Variants in TRRAP observed in about 807,000 individuals in gnomAD.
TRRAP encodes transformation/transcription domain-associated protein.
Under a neutral mutation model 438.8 loss-of-function variants are expected in TRRAP, and 41 were observed. That is an observed-to-expected ratio of 0.09 (90% CI 0.07 to 0.12). The LOEUF (loss-of-function observed/expected upper bound fraction) is 0.12. TRRAP is among the 10% of genes least tolerant of loss of function. TRRAP has a pLI of 1.00. For synonymous variants in TRRAP, 1,994 were observed against 1,962.9 expected, an observed-to-expected ratio of 1.02 and a Z score of -0.42; for missense variants, 3,122 against 5,055.1, an observed-to-expected ratio of 0.62 and a Z score of 11.60.
Position 98,903,369 on chromosome 7 carries a change from G to C in TRRAP, c.898-10G>C, listed in dbSNP as rs1554407012. The C allele has an allele frequency of 1.2e-6, 2 of 1,614,110 alleles. No homozygotes were observed. Among genetic ancestry groups the C allele is most frequent in the Non-Finnish European group, 1.7e-6 (2 of 1,179,986 alleles). ...CCCTGTAACTGTGTCATCTCACTCT[G>C]TTCTTACAGGAGTTGGTGACTAAGT... On this transcript the variant is annotated splice_polypyrimidine_tract_variant and intron_variant, in intron 11 of 72. Coordinates refer to ENST00000456197, the MANE Select transcript of TRRAP (RefSeq NM_001375524.1).
At chr7:98,978,463 A>C in intron 57 of TRRAP, 140 bp downstream of exon 57, 1 of 803,032 alleles carries the variant, frequency 1.2e-6, no homozygotes, top group South Asian at 1.8e-5. Flanking sequence ...ATAGAAACCC[A>C]AAACCAGCAT....
intron 11 of TRRAP, among the ~76,000 whole-genome samples, chr7:98,901,381 A>T (rs940521778): frequency 2.0e-5 from 3 of 152,168 alleles, no homozygotes; most frequent in African/African-American, 7.2e-5. Flanking sequence ...CTGTGTCCAG[A>T]TACAGTCACA....
chr7:99,008,312 G>T, intron 69 of TRRAP, 65 bp from the exon 70 acceptor site: 2 of 1,527,542 alleles, frequency 1.3e-6, no homozygotes, highest in Admixed American at 1.7e-5. Flanking sequence ...GCACTCTGAC[G>T]GTGGAGCTGA....
In TRRAP at chr7:98,890,342, C is replaced by T. The variant is rs782139440; in HGVS notation, c.158C>T (p.Thr53Met). The change falls in exon 4 of 73, where the codon ACG becomes ATG. Residue 53 changes from threonine (T) to methionine (M), a missense_variant. By Grantham distance (81) the Thr-to-Met change is moderately conservative. Coordinates refer to ENST00000456197, the MANE Select transcript of TRRAP (RefSeq NM_001375524.1). Reference sequence around the variant, plus strand: ...TTATTTTTGCACAATTAGAATGTCACGTCATCTCCTCAGTATTCTACATTC... The same window carrying T: ...TTATTTTTGCACAATTAGAATGTCATGTCATCTCCTCAGTATTCTACATTC... ...QEVSENFENV[T>M]SSPQYSTFLE... The T allele has an allele frequency of 9.6e-6, 15 of 1,556,790 alleles. No homozygotes were observed. The South Asian group carries it at 1.7e-4, about 18-fold the overall frequency.
At chr7:98,897,896 G>A (rs781842397) in intron 8 of TRRAP, 30 bp downstream of exon 8, 6 of 1,612,300 alleles carry the variant, frequency 3.7e-6, no homozygotes, top group Admixed American at 3.3e-5. Flanking sequence ...ATTTCTACCC[G>A]TGGCTCCTGT....
intron 26 of TRRAP, among the ~76,000 whole-genome samples, chr7:98,932,622 G>C (rs959841466): frequency 1.3e-5 from 2 of 152,038 alleles, no homozygotes; most frequent in African/African-American, 2.4e-5. Flanking sequence ...GGGATTACAG[G>C]CGTGAGCCAC....
chr7:98,970,538 A>G (rs1792367161), intron 52 of TRRAP, among the ~76,000 whole-genome samples: 1 of 152,186 alleles, frequency 6.6e-6, no homozygotes, highest in Non-Finnish European at 1.5e-5. Context: ...TTGGGCATGA[A>G]CAAGGTATAA....
chr7:98,950,465 C>T (rs540815250), intron 38 of TRRAP, among the ~76,000 whole-genome samples: 4 of 152,202 alleles, frequency 2.6e-5, no homozygotes, highest in African/African-American at 4.8e-5. Context: ...GAGGCTGCAC[C>T]GAGCTATAAT....
intron 3 of TRRAP, among the ~76,000 whole-genome samples, chr7:98,886,164 G>A (rs1795685487): frequency 6.6e-6 from 1 of 152,184 alleles, no homozygotes; most frequent in South Asian, 2.1e-4. Context: ...CACATGCCTG[G>A]CCTGTAGTCC....
intron 46 of TRRAP, 53 bp from the exon 47 acceptor site, chr7:98,962,249 C>A: frequency 6.2e-7 from 1 of 1,612,408 alleles, no homozygotes; most frequent in Admixed American, 1.7e-5. Flanking sequence ...GGCATCAGCA[C>A]TGGTGGGCCC....
intron 67 of TRRAP, among the ~76,000 whole-genome samples, chr7:98,995,929 A>C: frequency 1.5e-5 from 2 of 137,320 alleles, no homozygotes; most frequent in African/African-American, 5.8e-5. Context: ...TCGCATCCCC[A>C]TCCCGTCCTC....
chr7:98,983,356 C>A lies in TRRAP; in HGVS notation c.8919C>A (p.Asp2973Glu). Residue 2973 changes from aspartate (D) to glutamate (E), a missense_variant, in exon 60 of 73, where the codon GAC (aspartate) becomes GAA (glutamate). Physicochemically the swap from Asp to Glu is conservative, Grantham distance 45 (BLOSUM62 2). Transcript: ENST00000456197. ...TGGGAAGGAACAACAGCCTGCACGACATGAAGACGGTGGTGAAGACCTGGA... is the reference window on the plus strand; with the variant it reads ...TGGGAAGGAACAACAGCCTGCACGAAATGAAGACGGTGGTGAAGACCTGGA... Reference protein sequence around the residue: ...TNLGRNNSLHDMKTVVKTWRN... With the variant: ...TNLGRNNSLHEMKTVVKTWRN... The A allele has an allele frequency of 6.2e-7, 1 of 1,614,238 alleles. No individual in the cohort carries two copies. Among genetic ancestry groups the A allele is most frequent in the East Asian group, 2.2e-5 (1 of 44,884 alleles).
chr7:98,982,378 C>T (rs1251362003), intron 59 of TRRAP, among the ~76,000 whole-genome samples: 1 of 152,138 alleles, frequency 6.6e-6, no homozygotes, highest in Non-Finnish European at 1.5e-5. Context: ...TTGTTCTAGG[C>T]AATTTCAAAA....
intron 14 of TRRAP, among the ~76,000 whole-genome samples, chr7:98,909,576 ACCC>A (rs1175767262): frequency 6.6e-6 from 1 of 152,120 alleles, no homozygotes; most frequent in African/African-American, 2.4e-5. Flanking sequence ...GGGGCATAGT[ACCC>A]AAGTGCTAGA....
chr7:98,957,521 CG>C (rs1166330092), intron 43 of TRRAP, among the ~76,000 whole-genome samples: 1 of 152,168 alleles, frequency 6.6e-6, no homozygotes, highest in African/African-American at 2.4e-5. Context: ...CTCCAGGGCC[CG>C]GGTGACCAGG....
rs376928763 is a variant in TRRAP, at chr7:98,964,815, T to A, written c.6976+40T>A. 9.4e-6 allele frequency: 15 copies of A among 1,589,506 alleles called. No individual in the cohort carries two copies. The South Asian group carries it at 1.5e-4, about 16-fold the overall frequency. On this transcript the variant is annotated intron_variant, in intron 48 of 72. Transcript: ENST00000456197. ...ACCGGGGGCCTTTCCTCAGACTCTG[T>A]TGAACAGAGAACAGACTCTGTTGTG...
At chr7:98,937,133 T>C in intron 28 of TRRAP, 23 bp from the exon 29 acceptor site, 1 of 1,578,280 alleles carries the variant, frequency 6.3e-7, no homozygotes, top group Non-Finnish European at 8.6e-7. Flanking sequence ...ATAATGGAAT[T>C]GTCTTGATTT....
chr7:98,944,025 G>C (rs1554416257), intron 31 of TRRAP, among the ~76,000 whole-genome samples: 1 of 152,150 alleles, frequency 6.6e-6, no homozygotes, highest in Non-Finnish European at 1.5e-5. Context: ...ACTAAACCAG[G>C]ATTTTTTTAA....
At position 99,005,451 on chromosome 7, in the gene TRRAP, A is replaced by T. The variant is rs1794119373; in HGVS notation, c.10753+103A>T. ...CACAGGCAGCTCACGTTAGCCTTTGAGGGTCCAGCTGCGTCAGCAGAGAAT... is the reference window on the plus strand; with the variant it reads ...CACAGGCAGCTCACGTTAGCCTTTGTGGGTCCAGCTGCGTCAGCAGAGAAT... On this transcript the variant is annotated intron_variant, in intron 69 of 72. Coordinates refer to ENST00000456197, the MANE Select transcript of TRRAP (RefSeq NM_001375524.1). This position sits in a 1 kb window ranked among gnomAD's most constrained non-coding sequence, Gnocchi z 5.1. The T allele has an allele frequency of 9.0e-7, 1 of 1,114,498 alleles. No individual in the cohort carries two copies. Among genetic ancestry groups the T allele is most frequent in the Admixed American group, 1.9e-5 (1 of 53,512 alleles). The allele number at this position is 1,114,498 out of a possible 1,614,324, so 69.0% of individuals were successfully genotyped here.
Sources: gnomAD v4.1 joint callset for allele counts (sites outside exome capture counted in the v4.1 genomes callset) on GRCh38, gnomAD v4.1.1 for gene constraint, Gnocchi (gnomAD v3.1) non-coding constraint, MANE v1.5 for transcripts, NCBI Gene and HGNC (gene_info 2026-07-23, HGNC 2026-07-21) for gene names.